The following TGFB2 variants were observed in gnomAD, a reference collection of about 807,000 sequenced individuals.
The protein encoded by TGFB2 is transforming growth factor beta-2 proprotein.
A neutral mutation model predicts 42.7 loss-of-function variants in TGFB2; 13 were observed. The observed-to-expected ratio is 0.30, with a 90% confidence interval of 0.20 to 0.48. TGFB2 has a LOEUF of 0.48. Among genes scored for constraint, TGFB2 ranks in the 20% least tolerant of loss-of-function variants. The probability of loss-of-function intolerance (pLI) is 0.99; values close to 1 mark genes in which losing one functional copy is unlikely to be tolerated. For missense variants in TGFB2, 390 were observed against 517.5 expected, an observed-to-expected ratio of 0.75 and a Z score of 2.39; for synonymous variants, 193 against 193.6, an observed-to-expected ratio of 1.00 and a Z score of 0.03.
chr1:218,345,420 TAGAA>T lies in TGFB2; in HGVS notation c.-1278_-1275del, dbSNP rs1558218608. On this transcript the variant is annotated 5_prime_UTR_variant, in exon 1 of 7. Transcript: ENST00000366930. ...AGAGAAAGACAGATTGAGATAGAGATAGAAAGAGAAAGAGAGAAAGAGACAGCAG... is the reference window on the plus strand; with the variant it reads ...AGAGAAAGACAGATTGAGATAGAGATAGAGAAAGAGAGAAAGAGACAGCAG... The T allele has an allele frequency of 1.3e-5, 2 of 152,064 alleles. No individual in the cohort carries two copies. The highest frequency in any genetic ancestry group is 6.6e-5 in the Admixed American group (1 of 15,264). The allele number at this position is 152,064 out of a possible 1,614,324, so 9.4% of individuals were successfully genotyped here.
chr1:218,425,557 C>A (rs1163603880), intron 2 of TGFB2, among the ~76,000 whole-genome samples: 5 of 152,068 alleles, frequency 3.3e-5, no homozygotes, highest in Non-Finnish European at 7.4e-5. Context: ...TGATGTTCAT[C>A]CCACAAGATT....
intron 1 of TGFB2, among the ~76,000 whole-genome samples, chr1:218,374,173 G>T (rs1657664621): frequency 6.6e-6 from 1 of 152,162 alleles, no homozygotes; most frequent in African/African-American, 2.4e-5. Context: ...TGGCAGATTT[G>T]TAAATCAGAG....
At chr1:218,364,265 C>G (rs1571837732) in intron 1 of TGFB2, among the ~76,000 whole-genome samples, 1 of 152,324 alleles carries the variant, frequency 6.6e-6, no homozygotes, top group Non-Finnish European at 1.5e-5. Flanking sequence ...ACCACTTAGC[C>G]CTGACCCTCG....
chr1:218,403,595 G>A (rs536502573), intron 1 of TGFB2, among the ~76,000 whole-genome samples: 1 of 152,290 alleles, frequency 6.6e-6, no homozygotes, highest in East Asian at 1.9e-4. Context: ...TCTTTCAAGA[G>A]ACTCCTGTTG....
intron 1 of TGFB2, among the ~76,000 whole-genome samples, chr1:218,358,292 T>C (rs1657102694): frequency 6.6e-6 from 1 of 152,212 alleles, no homozygotes; most frequent in Admixed American, 6.5e-5. Context: ...CTGAGAAATA[T>C]AATTTAATTT....
rs111418139 is a variant in TGFB2, at chr1:218,353,787, G to A, written c.346+6740G>A. ...TGCCTGTAGTCCTAGCTACTTGGGC[G>A]GCTGAAGCAGGAGGATTGCTTGAGC... is the stretch of plus-strand genomic sequence containing the variant. On this transcript the variant is annotated intron_variant, in intron 1 of 6. Transcript: ENST00000366930. Among the ~76,000 whole-genome samples, 403 of 152,270 alleles carry A rather than the reference G, an allele frequency of 2.6e-3. 3 individuals are homozygous for A. The highest frequency in any genetic ancestry group is 9.4e-3 in the African/African-American group (389 of 41,558).
intron 2 of TGFB2, among the ~76,000 whole-genome samples, chr1:218,425,714 G>T (rs1659600908): frequency 6.6e-6 from 1 of 152,208 alleles, no homozygotes; most frequent in Non-Finnish European, 1.5e-5. Flanking sequence ...TCAACAATAT[G>T]GATTGTCCAA....
At chr1:218,350,423 C>T (rs1656834331) in intron 1 of TGFB2, among the ~76,000 whole-genome samples, 1 of 152,136 alleles carries the variant, frequency 6.6e-6, no homozygotes, top group Non-Finnish European at 1.5e-5. Context: ...TGTTTCTAAC[C>T]ATCCTATAAT....
chr1:218,380,348 C>T (rs1657918445), intron 1 of TGFB2, among the ~76,000 whole-genome samples: 1 of 152,176 alleles, frequency 6.6e-6, no homozygotes, highest in Admixed American at 6.5e-5. Flanking sequence ...AATCACTGTG[C>T]TATCACACCA....
At chr1:218,402,832 G>A (rs879735408) in intron 1 of TGFB2, among the ~76,000 whole-genome samples, 4 of 152,214 alleles carry the variant, frequency 2.6e-5, no homozygotes, top group Non-Finnish European at 5.9e-5. Context: ...GAGGCTCTGC[G>A]AAGATGAATG....
At chr1:218,348,045 T>G (rs557940993) in intron 1 of TGFB2, among the ~76,000 whole-genome samples, 32 of 148,508 alleles carry the variant, frequency 2.2e-4, no homozygotes, top group African/African-American at 7.5e-4. Flanking sequence ...GAACAGACAG[T>G]GTAGAATGAT....
intron 1 of TGFB2, among the ~76,000 whole-genome samples, chr1:218,375,395 A>C (rs1657706909): frequency 7.1e-6 from 1 of 140,130 alleles, no homozygotes; most frequent in Non-Finnish European, 1.5e-5. Context: ...AAAGTCAGTT[A>C]CCCTTTCTGA....
rs11118095 is a variant in TGFB2, at chr1:218,385,998, C to G, written c.347-19171C>G. ...TCTGTCATTACTCCTTGAATCCTGT[C>G]ATAAGATCCTGGCTACTCGCAGGGA... On this transcript the variant is annotated intron_variant, in intron 1 of 6. Coordinates refer to ENST00000366930, the MANE Select transcript of TGFB2 (RefSeq NM_003238.6). Among the ~76,000 whole-genome samples the G allele has an allele frequency of 4.0e-3, 611 of 152,284 alleles. 4 individuals are homozygous for G. The highest frequency in any genetic ancestry group is 0.014 in the Middle Eastern group (4 of 294).
At chr1:218,356,049 G>A (rs1025823779) in intron 1 of TGFB2, among the ~76,000 whole-genome samples, 5 of 152,132 alleles carry the variant, frequency 3.3e-5, no homozygotes, top group African/African-American at 9.7e-5. Flanking sequence ...CCTCAGAAAC[G>A]TTTTCTAGTT....
At chr1:218,362,454 T>C (rs1657244144) in intron 1 of TGFB2, among the ~76,000 whole-genome samples, 1 of 152,236 alleles carries the variant, frequency 6.6e-6, no homozygotes, top group African/African-American at 2.4e-5. Flanking sequence ...ATTTCAATTT[T>C]ATAAAAACCC....
At chr1:218,362,407 C>T (rs1463607737) in intron 1 of TGFB2, among the ~76,000 whole-genome samples, 1 of 152,166 alleles carries the variant, frequency 6.6e-6, no homozygotes, top group Non-Finnish European at 1.5e-5. Flanking sequence ...TCCTTGACCA[C>T]CTTTTGTCTG....
At chr1:218,347,904 T>A (rs1342851718) in intron 1 of TGFB2, among the ~76,000 whole-genome samples, 1 of 151,808 alleles carries the variant, frequency 6.6e-6, no homozygotes, top group Non-Finnish European at 1.5e-5. Context: ...TTCAATGCAT[T>A]CCTAAAACTC....
chr1:218,382,192 G>C (rs1314653436), intron 1 of TGFB2, among the ~76,000 whole-genome samples: 2 of 152,102 alleles, frequency 1.3e-5, no homozygotes, highest in East Asian at 1.9e-4. Flanking sequence ...CCCACCTCCT[G>C]CAGTGCTCAA....
rs528336949 is a variant in TGFB2 at position 218,363,267 on chromosome 1, T to C, written c.346+16220T>C. On this transcript the variant is annotated intron_variant, in intron 1 of 6. Transcript: ENST00000366930. Reference sequence around the variant, plus strand: ...GAGTCCCTCTTCTACTTTGAATCTTTGTATAGTTCTGTGCCAGGCATCTCT... The same window carrying C: ...GAGTCCCTCTTCTACTTTGAATCTTCGTATAGTTCTGTGCCAGGCATCTCT... 3.9e-5 allele frequency: 51 copies of C among 1,316,390 alleles called. No homozygotes were observed. The South Asian group carries it at 5.7e-4, about 15-fold the overall frequency. The allele number at this position is 1,316,390 out of a possible 1,614,324, so 81.5% of individuals were successfully genotyped here.
Sources: allele counts gnomAD v4.1 joint callset (sites outside exome capture counted in the v4.1 genomes callset), GRCh38; gene constraint gnomAD v4.1.1; transcripts MANE v1.5; gene names NCBI Gene and HGNC (gene_info 2026-07-23, HGNC 2026-07-21).